Variants in SLC1A7 observed in about 807,000 individuals in gnomAD.
SLC1A7 encodes solute carrier family 1 member 7, also known as excitatory amino acid transporter 5.
SLC1A7 carries 40 observed loss-of-function variants against 47.7 expected under a neutral mutation model. That is an observed-to-expected ratio of 0.84 (90% CI 0.65 to 1.09). The LOEUF is 1.09. Among genes scored for constraint, SLC1A7 ranks in the 50% least tolerant of loss-of-function variants. SLC1A7 has a pLI of 0.00. For synonymous variants in SLC1A7, 323 were observed against 325.6 expected (o/e 0.99, Z 0.09); for missense variants, 746 against 769.5 (o/e 0.97, Z 0.36).
At chr1:53,098,834 C>T (rs970602083) in intron 5 of SLC1A7, among the ~76,000 whole-genome samples, 4 of 151,498 alleles carry the variant, frequency 2.6e-5, no homozygotes. Context: ...GGTACACTCA[C>T]ACCGCCTTGG....
intron 2 of SLC1A7, among the ~76,000 whole-genome samples, chr1:53,127,934 A>G (rs1644900782): frequency 6.6e-6 from 1 of 152,216 alleles, no homozygotes; most frequent in Non-Finnish European, 1.5e-5. Flanking sequence ...CTCTGAGCAG[A>G]GGACTCAGCC....
At chr1:53,097,338 C>G (rs1177515014) in intron 5 of SLC1A7, among the ~76,000 whole-genome samples, 2 of 146,032 alleles carry the variant, frequency 1.4e-5, no homozygotes, top group Non-Finnish European at 3.0e-5. Flanking sequence ...ACTCACACAA[C>G]CTGCCTCCGT....
chr1:53,119,426 G>A (rs368077710), intron 2 of SLC1A7, among the ~76,000 whole-genome samples: 1 of 152,298 alleles, frequency 6.6e-6, no homozygotes, highest in East Asian at 1.9e-4. Flanking sequence ...ATGGCTCACT[G>A]CAGCCTTGAC....
chr1:53,138,021 C>T (rs1368485628), intron 1 of SLC1A7, among the ~76,000 whole-genome samples: 1 of 152,166 alleles, frequency 6.6e-6, no homozygotes, highest in Non-Finnish European at 1.5e-5. Context: ...TTTTCTGAGT[C>T]CTTACATGAG....
Position 53,114,742 on chromosome 1 carries a change from G to T in SLC1A7, c.431+16C>A, listed in dbSNP as rs1322962622. On this transcript the variant is annotated intron_variant, in intron 3 of 10. Coordinates refer to ENST00000371494, the MANE Select transcript of SLC1A7 (RefSeq NM_006671.6). ...GGCCTGGCGTTCCCAAGCGGGGTGT[G>T]GGTGGCAATAGTTACCGGATGAGGT... is the stretch of plus-strand genomic sequence containing the variant. The T allele has an allele frequency of 6.2e-7, 1 of 1,608,966 alleles. No individual in the cohort carries two copies. The highest frequency in any genetic ancestry group is 1.7e-5 in the Admixed American group (1 of 59,986).
intron 5 of SLC1A7, among the ~76,000 whole-genome samples, chr1:53,101,642 C>A (rs1401376706): frequency 6.6e-6 from 1 of 151,628 alleles, no homozygotes; most frequent in East Asian, 1.9e-4. Flanking sequence ...ACACACCTTG[C>A]CTCGGTACAC....
chr1:53,120,438 C>T (rs529482995), intron 2 of SLC1A7, among the ~76,000 whole-genome samples: 2 of 152,176 alleles, frequency 1.3e-5, no homozygotes, highest in South Asian at 4.1e-4. Context: ...GGGTGACTCC[C>T]CATTGCCCTC....
chr1:53,100,726 G>GGTACACTCATACATACCTCA (rs148828865), intron 5 of SLC1A7, among the ~76,000 whole-genome samples: 1 of 147,246 alleles, frequency 6.8e-6, no homozygotes, highest in Non-Finnish European at 1.5e-5. Context: ...ATACCACCTC[G>GGTACACTCATACATACCTCA]GTACACTCAC....
At chr1:53,137,970 C>T (rs1046930438) in intron 1 of SLC1A7, among the ~76,000 whole-genome samples, 1 of 152,164 alleles carries the variant, frequency 6.6e-6, no homozygotes, top group Non-Finnish European at 1.5e-5. Flanking sequence ...TGAAACATCT[C>T]CTTTGGTAGC....
chr1:53,104,903 C>T (rs937401393), intron 4 of SLC1A7, among the ~76,000 whole-genome samples: 4 of 152,098 alleles, frequency 2.6e-5, no homozygotes, highest in African/African-American at 9.7e-5. Flanking sequence ...ACCACAATTT[C>T]GACGAAGGAA....
At chr1:53,109,923 G>A (rs566005660) in intron 3 of SLC1A7, among the ~76,000 whole-genome samples, 1 of 152,318 alleles carries the variant, frequency 6.6e-6, no homozygotes, top group Non-Finnish European at 1.5e-5. Context: ...TGGAAAGGAA[G>A]TGACTGTGCT....
At chr1:53,098,858 T>G (rs544489089) in intron 5 of SLC1A7, among the ~76,000 whole-genome samples, 65 of 139,372 alleles carry the variant, frequency 4.7e-4, no homozygotes, top group African/African-American at 1.7e-3. Context: ...ACTTACACAC[T>G]CTGCCTCATT....
At chr1:53,134,843 A>G (rs901492392) in intron 1 of SLC1A7, among the ~76,000 whole-genome samples, 5 of 152,204 alleles carry the variant, frequency 3.3e-5, no homozygotes, top group Non-Finnish European at 4.4e-5. Context: ...GTAATTCATA[A>G]ATTAGACACA....
chr1:53,092,646 G>C lies in SLC1A7; in HGVS notation c.939C>G (p.Pro313=). The change falls in exon 7 of 11, where the codon CCC becomes CCG. Residue 313 remains proline, a synonymous_variant. Transcript: ENST00000371494. ...GLVLHGLFIL[P]LLYFFITKKN... ...TCTTGGTGATGAAGAAGTAGAGCAG[G>C]GGCAGGATAAAGAGCCCGTGGAGCA... 6.2e-6 allele frequency: 10 copies of C among 1,614,190 alleles called. No individual in the cohort carries two copies. The highest frequency in any genetic ancestry group is 8.5e-6 in the Non-Finnish European group (10 of 1,180,020).
At chr1:53,108,619 A>G (rs987398806) in intron 3 of SLC1A7, 1 of 717,928 alleles carries the variant, frequency 1.4e-6, no homozygotes, top group Non-Finnish European at 2.6e-6. Context: ...CGTTCCTCCA[A>G]CTTTCTTCTT....
intron 1 of SLC1A7, among the ~76,000 whole-genome samples, chr1:53,136,424 C>A (rs1261182622): frequency 1.4e-5 from 2 of 147,492 alleles, no homozygotes; most frequent in Non-Finnish European, 3.0e-5. Flanking sequence ...AATCTCCTGA[C>A]CTTGTTGATC....
At chr1:53,090,967 C>G (rs1044309887) in intron 7 of SLC1A7, 161 bp from the exon 8 acceptor site, 2 of 1,503,364 alleles carry the variant, frequency 1.3e-6, no homozygotes, top group South Asian at 1.3e-5. Context: ...CACTGCAGTG[C>G]TCTCACTTGG....
Position 53,090,721 on chromosome 1 carries a change from C to A in SLC1A7, c.1117G>T (p.Gly373Cys), listed in dbSNP as rs1237428602. Residue 373 changes from glycine (G) to cysteine (C), a missense_variant, in exon 8 of 11, where the codon GGT (glycine) becomes TGT (cysteine). By Grantham distance (159) the Gly-to-Cys change is radical. Transcript: ENST00000371494. ...RRIARFVLPV[G>C]ATINMDGTAL... ...GTGCCGTCCATGTTGATGGTGGCAC[C>A]CACGGGCAGCACGAAGCGAGCGATG... 2.5e-6 allele frequency: 4 copies of A among 1,613,914 alleles called. No individual in the cohort carries two copies. The highest frequency in any genetic ancestry group is 3.4e-6 in the Non-Finnish European group (4 of 1,179,982).
rs183111566 is a variant in SLC1A7 at position 53,110,132 on chromosome 1, G to C, written c.432-4358C>G. The stretch of plus-strand genomic sequence containing the variant: ...CCCAGAACCCACCTCCAGAAGCTTT[G>C]GTTCATGCCCTGCAGCCTCCTCACT... On this transcript the variant is annotated intron_variant, in intron 3 of 10. Transcript: ENST00000371494. Among the ~76,000 whole-genome samples the C allele has an allele frequency of 4.3e-3, 662 of 152,256 alleles. 4 individuals carry two copies. Among genetic ancestry groups the C allele is most frequent in the African/African-American group, 0.015 (632 of 41,562 alleles).
Sources: gnomAD v4.1 joint callset for allele counts (sites outside exome capture counted in the v4.1 genomes callset) on GRCh38, gnomAD v4.1.1 for gene constraint, MANE v1.5 for transcripts, NCBI Gene and HGNC (gene_info 2026-07-23, HGNC 2026-07-21) for gene names.